SYN3: variants seen among roughly 807,000 people sequenced by gnomAD.
SYN3 encodes the protein synapsin-3.
Under a neutral mutation model 65.8 loss-of-function variants are expected in SYN3, and 35 were observed. That is an observed-to-expected ratio of 0.53 (90% CI 0.41 to 0.70). SYN3 has a LOEUF of 0.70. Ranked by LOEUF, SYN3 falls within the 30% of genes least tolerant of loss-of-function variation. SYN3 has a pLI of 0.00. For missense variants in SYN3, 680 were observed against 749.0 expected, an observed-to-expected ratio of 0.91 and a Z score of 1.08; for synonymous variants, 270 against 292.9, an observed-to-expected ratio of 0.92 and a Z score of 0.80.
chr22:32,565,763 G>A (rs2058664549), intron 7 of SYN3, among the ~76,000 whole-genome samples: 2 of 151,668 alleles, frequency 1.3e-5, no homozygotes, highest in Admixed American at 1.3e-4. Flanking sequence ...CCAGGCTGGA[G>A]TGCAGTGGCA....
At chr22:32,619,124 C>T (rs935077600) in intron 6 of SYN3, among the ~76,000 whole-genome samples, 2 of 152,178 alleles carry the variant, frequency 1.3e-5, no homozygotes, top group Admixed American at 6.5e-5. Context: ...AATGCAGACT[C>T]TCAGGCCCCA....
chr22:32,554,185 G>T (rs1411007763), intron 7 of SYN3, among the ~76,000 whole-genome samples: 3 of 152,116 alleles, frequency 2.0e-5, no homozygotes, highest in African/African-American at 7.2e-5. Context: ...GCCAAACTTG[G>T]TCCTGCCTCA....
intron 6 of SYN3, among the ~76,000 whole-genome samples, chr22:32,798,858 A>C (rs914543639): frequency 6.6e-6 from 1 of 151,606 alleles, no homozygotes; most frequent in Admixed American, 6.6e-5. Flanking sequence ...CACCTGGCTA[A>C]TTTTTTGTGT....
intron 6 of SYN3, chr22:32,857,388 A>G: frequency 6.3e-7 from 1 of 1,576,580 alleles, no homozygotes. Context: ...CTTCTAGGCC[A>G]GGGTTTGGCC....
At chr22:32,858,358 G>T (rs747086563) in intron 6 of SYN3, among the ~76,000 whole-genome samples, 1 of 152,128 alleles carries the variant, frequency 6.6e-6, no homozygotes. Flanking sequence ...TGCTGTAATC[G>T]GCTGCCTCCA....
chr22:32,866,670 T>C (rs1269688718), intron 5 of SYN3, among the ~76,000 whole-genome samples: 1 of 152,094 alleles, frequency 6.6e-6, no homozygotes, highest in African/African-American at 2.4e-5. Flanking sequence ...ATAACTGTGA[T>C]AAAAGGTGGG....
chr22:32,811,182 G>A (rs950261000), intron 6 of SYN3, among the ~76,000 whole-genome samples: 6 of 152,118 alleles, frequency 3.9e-5, no homozygotes, highest in South Asian at 2.1e-4. Context: ...GGGGGCAGCA[G>A]GGAAGGCATG....
chr22:32,641,830 G>C (rs2059905702), intron 6 of SYN3, among the ~76,000 whole-genome samples: 1 of 152,088 alleles, frequency 6.6e-6, no homozygotes, highest in South Asian at 2.1e-4. Context: ...TCTCAATAAA[G>C]CTGATATTAA....
At chr22:32,809,987 G>A (rs1296376313) in intron 6 of SYN3, among the ~76,000 whole-genome samples, 1 of 152,224 alleles carries the variant, frequency 6.6e-6, no homozygotes, top group African/African-American at 2.4e-5. Flanking sequence ...GGGATAGACA[G>A]CAGGTAACTG....
chr22:32,674,687 CA>C (rs933689414), intron 6 of SYN3, among the ~76,000 whole-genome samples: 7 of 151,908 alleles, frequency 4.6e-5, no homozygotes, highest in Non-Finnish European at 7.4e-5. Context: ...TGCAGATGAC[CA>C]GAATGGAGAG....
intron 1 of SYN3, among the ~76,000 whole-genome samples, chr22:33,055,916 A>C (rs1050728146): frequency 6.6e-6 from 1 of 152,242 alleles, no homozygotes; most frequent in East Asian, 1.9e-4. Flanking sequence ...TGATTGATTA[A>C]TTAGTGGATG....
chr22:33,049,967 C>T (rs780217296), intron 1 of SYN3, among the ~76,000 whole-genome samples: 2 of 152,016 alleles, frequency 1.3e-5, no homozygotes, highest in South Asian at 2.1e-4. Flanking sequence ...TGGAAAGGGG[C>T]CTGGAGGTGA....
chr22:32,852,385 C>T (rs1369478437), intron 6 of SYN3, among the ~76,000 whole-genome samples: 1 of 152,156 alleles, frequency 6.6e-6, no homozygotes, highest in Non-Finnish European at 1.5e-5. Context: ...GGTTTATCAT[C>T]CAGCAGTGTA....
intron 3 of SYN3, among the ~76,000 whole-genome samples, chr22:32,979,196 A>T (rs1166043476): frequency 6.6e-6 from 1 of 151,496 alleles, no homozygotes; most frequent in Non-Finnish European, 1.5e-5. Flanking sequence ...TCAAAAAAAA[A>T]AAAAAAAGAA....
intron 6 of SYN3, among the ~76,000 whole-genome samples, chr22:32,803,290 G>T (rs1016208365): frequency 6.6e-6 from 1 of 152,152 alleles, no homozygotes; most frequent in East Asian, 1.9e-4. Flanking sequence ...ATTTTCCACT[G>T]AGTCTTGGGT....
intron 3 of SYN3, among the ~76,000 whole-genome samples, chr22:32,941,910 CG>C (rs1217190972): frequency 6.6e-6 from 1 of 152,192 alleles, no homozygotes; most frequent in Non-Finnish European, 1.5e-5. Context: ...GAGGGGCATC[CG>C]CCATTGCTAA....
At chr22:32,917,975 G>A (rs1396857709) in intron 4 of SYN3, among the ~76,000 whole-genome samples, 2 of 139,368 alleles carry the variant, frequency 1.4e-5, no homozygotes, top group East Asian at 2.3e-4. Context: ...CTCCAAGGCT[G>A]CTCTGCTGGG....
At chr22:32,794,388 C>T (rs2046384862) in intron 6 of SYN3, among the ~76,000 whole-genome samples, 1 of 152,114 alleles carries the variant, frequency 6.6e-6, no homozygotes, top group African/African-American at 2.4e-5. Flanking sequence ...GGTTGGTTTG[C>T]TGAGCTCTTA....
chr22:32,958,386 G>A (rs1458219289), intron 3 of SYN3, among the ~76,000 whole-genome samples: 1 of 152,178 alleles, frequency 6.6e-6, no homozygotes, highest in Non-Finnish European at 1.5e-5. Flanking sequence ...AATACCCAAG[G>A]GTGGTGATGA....
Sources: gnomAD v4.1 joint callset for allele counts (sites outside exome capture counted in the v4.1 genomes callset) on GRCh38, gnomAD v4.1.1 for gene constraint, MANE v1.5 for transcripts, NCBI Gene and HGNC (gene_info 2026-07-23, HGNC 2026-07-21) for gene names.